ELAPOR1: variants seen among roughly 807,000 people sequenced by gnomAD.
ELAPOR1 encodes endosome-lysosome associated apoptosis and autophagy regulator 1, also known as endosome/lysosome-associated apoptosis and autophagy regulator 1.
In ELAPOR1, 77 loss-of-function variants were observed where a neutral mutation model predicts 119.7. The ratio of observed to expected loss-of-function variants is 0.64; its 90% CI spans 0.54 to 0.78. The LOEUF (loss-of-function observed/expected upper bound fraction) is 0.78, where lower values mean the gene tolerates loss of function less well. Ranked by LOEUF, ELAPOR1 falls within the 30% of genes least tolerant of loss-of-function variation. ELAPOR1 has a pLI of 0.00. For synonymous variants in ELAPOR1, 481 were observed against 487.2 expected, an observed-to-expected ratio of 0.99 and a Z score of 0.17; for missense variants, 1,115 against 1,270.4, an observed-to-expected ratio of 0.88 and a Z score of 1.86.
rs1209375926 is a variant in ELAPOR1 at position 109,203,768 on chromosome 1, C to A, written c.*756C>A. ...GCGGGTGCCTGTAGTCCCAGCTACT[C>A]GGGAGGCTGAGGCGGGAGAATAGCG... On this transcript the variant is annotated 3_prime_UTR_variant, in exon 22 of 22. Transcript: ENST00000369939. 1.3e-5 allele frequency: 2 copies of A among 150,314 alleles called. No homozygotes were observed. The highest frequency in any genetic ancestry group is 6.7e-5 in the Admixed American group (1 of 14,970). The allele number at this position is 150,314 out of a possible 1,614,324, so 9.3% of individuals were successfully genotyped here. A position where few individuals can be genotyped will look rare whatever the true frequency, so the allele number is the denominator to read the frequency against.
chr1:109,194,677 C>A, intron 15 of ELAPOR1, 83 bp downstream of exon 15: 2 of 1,363,378 alleles, frequency 1.5e-6, no homozygotes, highest in Non-Finnish European at 2.1e-6. Context: ...AGGAGAAAAC[C>A]AGAAATCCTT....
At chr1:109,189,003 G>C in intron 9 of ELAPOR1, 63 bp from the exon 10 acceptor site, 3 of 1,590,402 alleles carry the variant, frequency 1.9e-6, no homozygotes, top group Admixed American at 3.4e-5. Context: ...TGTGGCAGCA[G>C]CTCCAGTCAG....
intron 18 of ELAPOR1, 100 bp downstream of exon 18, chr1:109,198,774 G>C (rs946462081): frequency 9.3e-7 from 1 of 1,077,186 alleles, no homozygotes; most frequent in Admixed American, 2.1e-5. Flanking sequence ...AAAGAAAAGA[G>C]TTTGAGATCC....
intron 11 of ELAPOR1, among the ~76,000 whole-genome samples, chr1:109,191,044 G>A (rs1354190599): frequency 1.3e-5 from 2 of 152,134 alleles, no homozygotes; most frequent in Non-Finnish European, 2.9e-5. Context: ...CCATGTTGCT[G>A]GTCTGTGGAC....
intron 1 of ELAPOR1, among the ~76,000 whole-genome samples, chr1:109,117,991 G>A (rs1299254182): frequency 1.3e-5 from 2 of 152,102 alleles, no homozygotes; most frequent in African/African-American, 4.8e-5. Context: ...GCCAGGTGTG[G>A]TGGTGCATGC....
intron 21 of ELAPOR1, among the ~76,000 whole-genome samples, chr1:109,201,755 AC>A (rs1654184618): frequency 1.3e-5 from 2 of 152,092 alleles, no homozygotes; most frequent in Non-Finnish European, 2.9e-5. Context: ...AGAACAGTTC[AC>A]CCTGGGACTC....
chr1:109,138,834 C>CAAAAAAAAAAAAAAAAAAAAAAAAA (rs150398954), intron 1 of ELAPOR1, among the ~76,000 whole-genome samples: 36 of 107,262 alleles, frequency 3.4e-4, no homozygotes, highest in Non-Finnish European at 4.7e-4. Flanking sequence ...AACTCCATCT[C>CAAAAAAAAAAAAAAAAAAAAAAAAA]AAAAAAAAAA....
chr1:109,149,076 G>C (rs574463345), intron 1 of ELAPOR1, among the ~76,000 whole-genome samples: 1 of 152,102 alleles, frequency 6.6e-6, no homozygotes, highest in African/African-American at 2.4e-5. Context: ...TGCTAGGGGA[G>C]AAAAAGTGGA....
chr1:109,168,448 AT>A (rs1651721206), intron 3 of ELAPOR1, among the ~76,000 whole-genome samples: 1 of 152,132 alleles, frequency 6.6e-6, no homozygotes, highest in Non-Finnish European at 1.5e-5. Context: ...AAAATAAATA[AT>A]TGGGGACAAA....
At chr1:109,155,968 C>T (rs929895938) in intron 1 of ELAPOR1, among the ~76,000 whole-genome samples, 4 of 152,052 alleles carry the variant, frequency 2.6e-5, no homozygotes. Context: ...CATAGCAAGA[C>T]CCCATCTCTG....
chr1:109,185,053 T>A lies in ELAPOR1; in HGVS notation c.961T>A (p.Ser321Thr). 6.2e-7 allele frequency: 1 copy of A among 1,613,874 alleles called. No individual in the cohort carries two copies. The highest frequency in any genetic ancestry group is 8.5e-7 in the Non-Finnish European group (1 of 1,179,748). Residue 321 changes from serine to threonine, a missense_variant, in exon 8 of 22, where the codon TCT becomes ACT. Physicochemically the swap from Ser to Thr is moderately conservative, Grantham distance 58. Coordinates refer to ENST00000369939, the MANE Select transcript of ELAPOR1 (RefSeq NM_020775.5). ...CDPDKYSEKG[S>T]SSCNVRPACT... ...TTGCTTTGGCAATTTAGAGAAAGGA[T>A]CTTCTTCCTGTAACGTGCGCCCAGC...
intron 1 of ELAPOR1, among the ~76,000 whole-genome samples, chr1:109,140,542 AG>A (rs1315443009): frequency 1.3e-5 from 2 of 152,202 alleles, no homozygotes; most frequent in African/African-American, 4.8e-5. Flanking sequence ...AGGGGAGCAA[AG>A]CACGGGAAAC....
intron 18 of ELAPOR1, 114 bp downstream of exon 18, chr1:109,198,788 A>G: frequency 1.1e-6 from 1 of 897,884 alleles, no homozygotes; most frequent in Non-Finnish European, 1.7e-6. Context: ...GAGATCCATT[A>G]ATGGGTGCTT....
chr1:109,197,690 T>A (rs111949682), intron 16 of ELAPOR1, 36 bp downstream of exon 16: 63,668 of 711,822 alleles, frequency 0.089, 1,298 homozygotes, highest in Middle Eastern at 0.16. Flanking sequence ...TGTTTGAGAG[T>A]GTGTGTGTGT....
Position 109,166,241 on chromosome 1 carries a change from T to C in ELAPOR1, c.467+1550T>C, listed in dbSNP as rs1274198990. Among the ~76,000 whole-genome samples, 4 of 151,986 alleles carry C rather than the reference T, an allele frequency of 2.6e-5. No individual in the cohort carries two copies. The East Asian group carries it at 7.7e-4, about 29-fold the overall frequency. On this transcript the variant is annotated intron_variant, in intron 3 of 21. Transcript: ENST00000369939. ...TTTTTTTGTATTTTTTTAGTAGAGA[T>C]GGGGTTTCACCATGTTGGCCAGGCT...
intron 9 of ELAPOR1, among the ~76,000 whole-genome samples, chr1:109,188,656 C>T (rs960248416): frequency 6.6e-6 from 1 of 152,188 alleles, no homozygotes; most frequent in African/African-American, 2.4e-5. Flanking sequence ...GAGATGCTGA[C>T]TAGGCTTACA....
chr1:109,161,849 G>T, intron 1 of ELAPOR1, 45 bp from the exon 2 acceptor site: 1 of 1,574,602 alleles, frequency 6.4e-7, no homozygotes, highest in South Asian at 1.1e-5. Context: ...GTTAATGTTT[G>T]ATCACTGCTA....
chr1:109,138,834 CAAA>C (rs150398954), intron 1 of ELAPOR1, among the ~76,000 whole-genome samples: 3 of 107,294 alleles, frequency 2.8e-5, no homozygotes, highest in Admixed American at 1.0e-4. Flanking sequence ...AACTCCATCT[CAAA>C]AAAAAAAAAA....
chr1:109,151,435 C>T (rs1226241476), intron 1 of ELAPOR1, among the ~76,000 whole-genome samples: 1 of 152,140 alleles, frequency 6.6e-6, no homozygotes, highest in Non-Finnish European at 1.5e-5. Context: ...CAATGGGACA[C>T]AGTGAGGTCG....
Sources: gnomAD v4.1 joint callset for allele counts (sites outside exome capture counted in the v4.1 genomes callset) on GRCh38, gnomAD v4.1.1 for gene constraint, MANE v1.5 for transcripts, NCBI Gene and HGNC (gene_info 2026-07-23, HGNC 2026-07-21) for gene names.